Variants in OTC observed in about 807,000 individuals in gnomAD.
The protein encoded by OTC is ornithine transcarbamylase, also known as ornithine transcarbamylase, mitochondrial.
OTC carries 3 observed loss-of-function variants against 30.3 expected under a neutral mutation model. The observed-to-expected ratio is 0.10, with a 90% CI of 0.05 to 0.26. The LOEUF is 0.26. OTC is among the 10% of genes least tolerant of loss of function. The pLI is 1.00. For missense variants in OTC, 194 were observed against 260.3 expected (o/e 0.75, Z 1.75); for synonymous variants, 111 against 99.7 (o/e 1.11, Z -0.67).
the OTC span, among the ~76,000 whole-genome samples, chrX:38,327,885 C>G: frequency 1.8e-5 from 2 of 113,068 alleles, no homozygotes; most frequent in South Asian, 7.1e-4. Flanking sequence ...GGTAAGCACT[C>G]TGCTAAAGAT....
chrX:38,378,485 A>G (rs1008660685), intron 3 of OTC, among the ~76,000 whole-genome samples: 1 of 111,018 alleles, frequency 9.0e-6, no homozygotes, highest in African/African-American at 3.3e-5. Flanking sequence ...AAAGGGGCCA[A>G]TTCAGCAAGA....
intron 4 of OTC, among the ~76,000 whole-genome samples, chrX:38,383,101 T>G (rs770619400): frequency 2.7e-5 from 3 of 111,495 alleles, no homozygotes; most frequent in South Asian, 3.8e-4. Context: ...GTTTTTTTTT[T>G]TTGTTACAAG....
intron 9 of OTC, among the ~76,000 whole-genome samples, chrX:38,417,333 T>TA (rs2068574895): frequency 8.9e-6 from 1 of 111,783 alleles, no homozygotes; most frequent in Non-Finnish European, 1.9e-5. Context: ...CTTGGGCTCC[T>TA]AATCAACTTA....
chrX:38,370,296 G>T (rs956874669), intron 3 of OTC, among the ~76,000 whole-genome samples: 2 of 111,927 alleles, frequency 1.8e-5, no homozygotes, highest in Non-Finnish European at 3.8e-5. Flanking sequence ...GTTGTTTTAT[G>T]GTTTATTTTG....
upstream of OTC, among the ~76,000 whole-genome samples, chrX:38,350,034 A>G (rs2068206739): frequency 9.0e-6 from 1 of 110,808 alleles, no homozygotes; most frequent in Non-Finnish European, 1.9e-5. Flanking sequence ...AGTTTTGACT[A>G]TTTTCTGATT....
intron 4 of OTC, among the ~76,000 whole-genome samples, chrX:38,386,425 A>G (rs2068403552): frequency 9.2e-6 from 1 of 108,257 alleles, no homozygotes; most frequent in African/African-American, 3.4e-5. Flanking sequence ...TTCATCTTCT[A>G]TAACTGAAAT....
intron 8 of OTC, among the ~76,000 whole-genome samples, chrX:38,410,279 A>G (rs1474370856): frequency 1.8e-5 from 2 of 111,807 alleles, no homozygotes; most frequent in Non-Finnish European, 3.8e-5. Context: ...ATTACTGGAG[A>G]ATAAGATCCT....
At position 38,369,843 on chromosome X, in the gene OTC, A is replaced by T. The variant is rs72554339; in HGVS notation, c.264A>T (p.Lys88Asn). Residue 88 changes from lysine (K) to asparagine (N), a missense_variant, in exon 3 of 10, where the codon AAA becomes AAT. Transcript: ENST00000039007. ...QGKSLGMIFE[K>N]RSTRTRLSTE... ...AGTCCTTAGGCATGATTTTTGAGAA[A>T]AGAAGTACTCGAACAAGATTGTCTA... 1 of 1,202,509 alleles carries T rather than the reference A, an allele frequency of 8.3e-7. No homozygotes were observed. The highest frequency in any genetic ancestry group is 1.1e-6 in the Non-Finnish European group (1 of 887,338).
At chrX:38,390,045 A>G (rs1238629979) in intron 4 of OTC, among the ~76,000 whole-genome samples, 1 of 112,105 alleles carries the variant, frequency 8.9e-6, no homozygotes, top group Non-Finnish European at 1.9e-5. Flanking sequence ...CATATTTTGA[A>G]GAAGTTATTC....
chrX:38,395,098 G>T (rs1324765971), intron 4 of OTC, among the ~76,000 whole-genome samples: 1 of 110,871 alleles, frequency 9.0e-6, no homozygotes, highest in Non-Finnish European at 1.9e-5. Context: ...TCGGCCTCCT[G>T]AGTAGCTGAG....
chrX:38,348,637 C>T (rs1187796210), upstream of OTC, among the ~76,000 whole-genome samples: 3 of 105,729 alleles, frequency 2.8e-5, no homozygotes, highest in African/African-American at 6.9e-5. Flanking sequence ...CCTGGGTTCA[C>T]GCCATTCTCC....
At chrX:38,328,754 A>G in the OTC span, among the ~76,000 whole-genome samples, 1 of 112,273 alleles carries the variant, frequency 8.9e-6, no homozygotes, top group Non-Finnish European at 1.9e-5. Context: ...TGCCTGGTCT[A>G]GATGCTTTGT....
At chrX:38,332,502 TTTTATATA>T in the OTC span, among the ~76,000 whole-genome samples, 4 of 16,436 alleles carry the variant, frequency 2.4e-4, no homozygotes, top group African/African-American at 1.1e-3. Flanking sequence ...TAGCCCTAGA[TTTTATATA>T]TATATATATA....
intron 4 of OTC, among the ~76,000 whole-genome samples, chrX:38,388,065 C>T (rs1377398006): frequency 1.8e-5 from 2 of 111,867 alleles, no homozygotes; most frequent in African/African-American, 6.5e-5. Context: ...CACCTCAAGG[C>T]GCTATGTTAG....
the OTC span, among the ~76,000 whole-genome samples, chrX:38,333,318 C>T: frequency 1.8e-5 from 2 of 110,810 alleles, no homozygotes; most frequent in Admixed American, 9.6e-5. Flanking sequence ...TCATGTGCCT[C>T]TGTGCACTGC....
rs367543716 is a variant in OTC, at chrX:38,420,547, C to G, written c.1006-476C>G. On this transcript the variant is annotated intron_variant, in intron 9 of 9. Coordinates refer to ENST00000039007, the MANE Select transcript of OTC (RefSeq NM_000531.6). The stretch of plus-strand genomic sequence containing the variant: ...TACTCTTGGCTATAGAGATAATACT[C>G]TTTCAGGAATACCCAGCTTCAGAGA... 3.6e-4 allele frequency among the ~76,000 whole-genome samples: 40 copies of G among 111,078 alleles called. No individual in the cohort carries two copies. The South Asian group carries it at 5.8e-3, about 16-fold the overall frequency.
intron 4 of OTC, chrX:38,395,605 A>G (rs937036624): frequency 4.1e-5 from 6 of 145,730 alleles, no homozygotes; most frequent in African/African-American, 1.9e-4. Context: ...TGCACACAAC[A>G]TGCTCACAGT....
intron 9 of OTC, among the ~76,000 whole-genome samples, chrX:38,419,774 C>T (rs2068586084): frequency 9.0e-6 from 1 of 111,083 alleles, no homozygotes; most frequent in Non-Finnish European, 1.9e-5. Context: ...AAGACAAATA[C>T]TACATGATCT....
chrX:38,397,408 T>G (rs2068463167), intron 4 of OTC, among the ~76,000 whole-genome samples: 1 of 111,878 alleles, frequency 8.9e-6, no homozygotes, highest in Non-Finnish European at 1.9e-5. Flanking sequence ...CTATTCTGAT[T>G]TTATTCTGCC....
Sources: allele counts gnomAD v4.1 joint callset (sites outside exome capture counted in the v4.1 genomes callset), GRCh38; gene constraint gnomAD v4.1.1; transcripts MANE v1.5; gene names NCBI Gene and HGNC (gene_info 2026-07-23, HGNC 2026-07-21).